The following ANK3 variants were observed in gnomAD, a reference collection of about 807,000 sequenced individuals.
ANK3 encodes ankyrin 3.
ANK3 carries 57 observed loss-of-function variants against 370.9 expected under a neutral mutation model. That is an observed-to-expected ratio of 0.15 (90% CI 0.12 to 0.19). The LOEUF (loss-of-function observed/expected upper bound fraction) is 0.19. Among genes scored for constraint, ANK3 ranks in the 10% least tolerant of loss-of-function variants. The pLI is 1.00. For missense variants in ANK3, 4,439 were observed against 5,302.1 expected (o/e 0.84, Z 5.06); for synonymous variants, 1,929 against 1,946.3 (o/e 0.99, Z 0.23).
intron 1 of ANK3, among the ~76,000 whole-genome samples, chr10:60,643,507 T>C (rs10821812): frequency 0.28 from 14,440 of 52,380 alleles, 1,040 homozygotes; most frequent in South Asian, 0.45. Flanking sequence ...TTTATATCTA[T>C]CTATCTATCT....
chr10:60,613,156 T>G (rs923701962), intron 2 of ANK3, among the ~76,000 whole-genome samples: 13 of 152,210 alleles, frequency 8.5e-5, no homozygotes, highest in Non-Finnish European at 1.8e-4. Flanking sequence ...GTTCCATTCA[T>G]TCTAAAAATT....
chr10:60,408,842 C>A (rs2063504666), intron 2 of ANK3, among the ~76,000 whole-genome samples: 1 of 152,178 alleles, frequency 6.6e-6, no homozygotes, highest in African/African-American at 2.4e-5. Flanking sequence ...CCCTCCCAAA[C>A]CCCTCAGCCA....
chr10:60,665,523 A>AAGAGC (rs2078985316), intron 1 of ANK3, among the ~76,000 whole-genome samples: 1 of 152,176 alleles, frequency 6.6e-6, no homozygotes, highest in Non-Finnish European at 1.5e-5. Context: ...AGGCTACTAC[A>AAGAGC]TTGTCGTGGG....
At chr10:60,462,670 T>C (rs557668576) in intron 2 of ANK3, among the ~76,000 whole-genome samples, 2 of 151,754 alleles carry the variant, frequency 1.3e-5, no homozygotes, top group Admixed American at 6.6e-5. Context: ...ATAAAATCAG[T>C]GGTTTTCTAC....
At chr10:60,639,514 A>G (rs1326479075) in intron 1 of ANK3, among the ~76,000 whole-genome samples, 1 of 151,660 alleles carries the variant, frequency 6.6e-6, no homozygotes, top group Non-Finnish European at 1.5e-5. Context: ...AAAAATAACA[A>G]TTACATATTA....
chr10:60,524,931 AC>A (rs1365640055), intron 2 of ANK3, among the ~76,000 whole-genome samples: 2 of 152,110 alleles, frequency 1.3e-5, no homozygotes, highest in Non-Finnish European at 2.9e-5. Context: ...ATCATTGAAT[AC>A]CCTAAGCTGA....
chr10:60,326,624 T>C (rs1280456820), intron 1 of ANK3, among the ~76,000 whole-genome samples: 1 of 152,164 alleles, frequency 6.6e-6, no homozygotes, highest in Non-Finnish European at 1.5e-5. Flanking sequence ...GTTCTCTAAA[T>C]GATCAGCCAA....
At position 60,071,952 on chromosome 10, in the gene ANK3, C is replaced by A; in HGVS notation, c.8929G>T (p.Asp2977Tyr). ...AATGCCGACTGTTCACAAAAACCATCGGGAATATTAGAAGACAGCATTCTC... is the reference window on the plus strand; with the variant it reads ...AATGCCGACTGTTCACAAAAACCATAGGGAATATTAGAAGACAGCATTCTC... ...ERRMLSSNIPDGFCEQSAFPK... is the reference protein window; with the variant it reads ...ERRMLSSNIPYGFCEQSAFPK... The change falls in exon 37 of 44, where the codon GAT becomes TAT. Residue 2977 changes from aspartate to tyrosine, a missense_variant. Physicochemically the swap from Asp to Tyr is radical, Grantham distance 160 (BLOSUM62 -3). Coordinates refer to ENST00000280772, the MANE Select transcript of ANK3 (RefSeq NM_020987.5). 1 of 1,614,034 alleles carries A rather than the reference C, an allele frequency of 6.2e-7. No homozygotes were observed. The highest frequency in any genetic ancestry group is 8.5e-7 in the Non-Finnish European group (1 of 1,179,988).
chr10:60,348,805 A>C (rs1296343605), intron 1 of ANK3, among the ~76,000 whole-genome samples: 3 of 152,180 alleles, frequency 2.0e-5, no homozygotes, highest in Non-Finnish European at 4.4e-5. Context: ...TCTCATCCAG[A>C]CCATATAGGA....
chr10:60,033,541 T>A (rs2074220375), intron 43 of ANK3, among the ~76,000 whole-genome samples: 2 of 94,096 alleles, frequency 2.1e-5, no homozygotes, highest in Non-Finnish European at 2.5e-5. Context: ...AAAAAAAAAC[T>A]TGGAAACAGC....
intron 23 of ANK3, among the ~76,000 whole-genome samples, chr10:60,155,252 C>G (rs542527017): frequency 6.6e-6 from 1 of 152,338 alleles, no homozygotes; most frequent in South Asian, 2.1e-4. Flanking sequence ...GAGAAAGAAT[C>G]TGTGGGCCTG....
intron 2 of ANK3, among the ~76,000 whole-genome samples, chr10:60,535,771 C>T (rs1441148040): frequency 6.6e-6 from 1 of 151,746 alleles, no homozygotes; most frequent in Non-Finnish European, 1.5e-5. Context: ...TATACATATA[C>T]TACATAAAGA....
At chr10:60,293,038 C>T (rs960143270) in intron 1 of ANK3, among the ~76,000 whole-genome samples, 33 of 152,130 alleles carry the variant, frequency 2.2e-4, no homozygotes, top group Non-Finnish European at 1.6e-4. Context: ...TCAGTCACCC[C>T]CTCCTCTCTT....
intron 1 of ANK3, among the ~76,000 whole-genome samples, chr10:60,731,673 C>A (rs1432948328): frequency 6.6e-6 from 1 of 152,182 alleles, no homozygotes; most frequent in African/African-American, 2.4e-5. Flanking sequence ...AATTTGCTTC[C>A]TTAAACACGC....
At chr10:60,212,547 TTC>T (rs1022870219) in intron 9 of ANK3, among the ~76,000 whole-genome samples, 31 of 152,302 alleles carry the variant, frequency 2.0e-4, no homozygotes, top group African/African-American at 7.5e-4. Flanking sequence ...GGCTGTTTAA[TTC>T]TGTTAGACAA....
At chr10:60,545,548 C>G (rs960811544) in intron 2 of ANK3, among the ~76,000 whole-genome samples, 1 of 151,646 alleles carries the variant, frequency 6.6e-6, no homozygotes, top group Non-Finnish European at 1.5e-5. Flanking sequence ...ATTCTAGAAG[C>G]CTTCAAGCCT....
Position 60,068,708 on chromosome 10 carries a change from T to G in ANK3, c.12173A>C (p.Lys4058Thr). 1 of 1,614,126 alleles carries G rather than the reference T, an allele frequency of 6.2e-7. No homozygotes were observed. Among genetic ancestry groups the G allele is most frequent in the South Asian group, 1.1e-5 (1 of 91,076 alleles). The change falls in exon 37 of 44, where the codon AAA (lysine) becomes ACA (threonine). Residue 4058 changes from lysine to threonine, a missense_variant. By Grantham distance (78) the Lys-to-Thr change is moderately conservative (BLOSUM62 -1). Coordinates refer to ENST00000280772, the MANE Select transcript of ANK3 (RefSeq NM_020987.5). ...TGATTTTAAAGGTGCTGCCTCTGTTTTCTTATCTCTAGCAGACTTCGTTGT... is the reference window on the plus strand; with the variant it reads ...TGATTTTAAAGGTGCTGCCTCTGTTGTCTTATCTCTAGCAGACTTCGTTGT... ...SVTTKSARDK[K>T]TEAAPLKSKS...
At position 60,271,803 on chromosome 10, in the gene ANK3, C is replaced by T. The variant is rs931613643; in HGVS notation, c.415-1574G>A. Among the ~76,000 whole-genome samples the T allele has an allele frequency of 4.0e-5, 6 of 151,192 alleles. No individual in the cohort carries two copies. In the South Asian group the frequency reaches 6.3e-4, roughly 16 times the overall value. On this transcript the variant is annotated intron_variant, in intron 4 of 43. Transcript: ENST00000280772. ...AAAAAGATCCTCAAGCAGATAAATG[C>T]GATGCCACATAACAAATCCACCATA...
At chr10:60,717,397 G>A (rs1317613499) in intron 1 of ANK3, among the ~76,000 whole-genome samples, 1 of 152,182 alleles carries the variant, frequency 6.6e-6, no homozygotes, top group Non-Finnish European at 1.5e-5. Flanking sequence ...AGAGTCTAGT[G>A]TAGACACAGC....
Sources: gnomAD v4.1 joint callset for allele counts (sites outside exome capture counted in the v4.1 genomes callset) on GRCh38, gnomAD v4.1.1 for gene constraint, MANE v1.5 for transcripts, NCBI Gene and HGNC (gene_info 2026-07-23, HGNC 2026-07-21) for gene names.